The following ALDH1A2 variants were observed in gnomAD, a reference collection of about 807,000 sequenced individuals.
ALDH1A2 encodes retinal dehydrogenase 2.
Under a neutral mutation model 60.3 loss-of-function variants are expected in ALDH1A2, and 27 were observed. That is an observed-to-expected ratio of 0.45 (90% CI 0.33 to 0.62). ALDH1A2 has a LOEUF of 0.62. Ranked by LOEUF, ALDH1A2 falls within the 20% of genes least tolerant of loss-of-function variation. The pLI, the probability that ALDH1A2 is intolerant of heterozygous loss-of-function variation, is 0.02. For synonymous variants in ALDH1A2, 289 were observed against 232.4 expected (o/e 1.24, Z -2.21); for missense variants, 581 against 643.8 (o/e 0.90, Z 1.06).
rs192669011 is a variant in ALDH1A2 at position 58,010,609 on chromosome 15, T to G, written c.493+40A>C. The stretch of plus-strand genomic sequence containing the variant: ...GGTGGCCAAAGCGCATTTCTGGTGG[T>G]TTCACGTTTTCCTTTTCAACGTACT... On this transcript the variant is annotated intron_variant, in intron 4 of 12. Coordinates refer to ENST00000249750, the MANE Select transcript of ALDH1A2 (RefSeq NM_003888.4). 1.5e-3 allele frequency: 2,368 copies of G among 1,609,454 alleles called. 28 individuals carry two copies. The Admixed American group carries it at 0.021, about 14-fold the overall frequency.
At chr15:57,959,947 C>T (rs143037322) in intron 12 of ALDH1A2, among the ~76,000 whole-genome samples, 10 of 152,280 alleles carry the variant, frequency 6.6e-5, no homozygotes, top group African/African-American at 2.2e-4. Flanking sequence ...CACTCTCCCC[C>T]ACTGCTACCC....
At chr15:58,005,405 C>T (rs1478218044) in intron 4 of ALDH1A2, among the ~76,000 whole-genome samples, 4 of 151,690 alleles carry the variant, frequency 2.6e-5, no homozygotes, top group African/African-American at 9.7e-5. Context: ...TAACCCAATG[C>T]CTAATACAGG....
At position 58,014,005 on chromosome 15, in the gene ALDH1A2, G is replaced by C. The variant is rs766919026; in HGVS notation, c.223-7C>G. 6.2e-7 allele frequency: 1 copy of C among 1,614,098 alleles called. No homozygotes were observed. Among genetic ancestry groups the C allele is most frequent in the Admixed American group, 1.7e-5 (1 of 60,020 alleles). On this transcript the variant is annotated splice_polypyrimidine_tract_variant and splice_region_variant and intron_variant, in intron 2 of 12. Transcript: ENST00000249750. ...CTGCTTTGTCTATATCTGCCTGTTA[G>C]AGAGGAAGAGGCACAACTGAAGAAA...
At position 57,995,108 on chromosome 15, in the gene ALDH1A2, T is replaced by C; in HGVS notation, c.525A>G (p.Glu175=). ...DGDYFTFTRH[E]PIGVCGQIIP... The stretch of plus-strand genomic sequence containing the variant: ...TGATCTGTCCACACACTCCAATGGG[T>C]TCATGTCTTGTAAAGGTAAAATAGT... The change falls in exon 5 of 13, where the codon GAA becomes GAG. Residue 175 remains glutamate, a synonymous_variant. Coordinates refer to ENST00000249750, the MANE Select transcript of ALDH1A2 (RefSeq NM_003888.4). 6.2e-7 allele frequency: 1 copy of C among 1,612,232 alleles called. No homozygotes were observed. Among genetic ancestry groups the C allele is most frequent in the Non-Finnish European group, 8.5e-7 (1 of 1,179,292 alleles).
chr15:58,016,362 ATG>A (rs1895790345), intron 1 of ALDH1A2, among the ~76,000 whole-genome samples: 2 of 151,860 alleles, frequency 1.3e-5, no homozygotes, highest in African/African-American at 4.8e-5. Flanking sequence ...CAGGCTGGTC[ATG>A]AACCCCTGAC....
intron 1 of ALDH1A2, among the ~76,000 whole-genome samples, chr15:58,052,063 C>A (rs1896789903): frequency 6.6e-6 from 1 of 152,054 alleles, no homozygotes; most frequent in Admixed American, 6.6e-5. Flanking sequence ...TATGGTAAGT[C>A]CTTAGCAAAT....
intron 7 of ALDH1A2, among the ~76,000 whole-genome samples, chr15:57,977,854 T>G (rs1280302667): frequency 6.6e-6 from 1 of 152,238 alleles, no homozygotes; most frequent in Non-Finnish European, 1.5e-5. Flanking sequence ...TTTCCATTTA[T>G]TGTGTCCTCT....
chr15:57,991,208 T>C (rs1041604981), intron 7 of ALDH1A2, among the ~76,000 whole-genome samples: 30 of 152,214 alleles, frequency 2.0e-4, no homozygotes, highest in African/African-American at 3.4e-4. Flanking sequence ...CTTAAATTGA[T>C]TGCATCTTTA....
intron 4 of ALDH1A2, among the ~76,000 whole-genome samples, chr15:58,007,839 A>C (rs1443682232): frequency 6.6e-6 from 1 of 151,366 alleles, no homozygotes; most frequent in African/African-American, 2.4e-5. Context: ...AATGAAGCTG[A>C]TGTTAAATTA....
At chr15:58,062,512 T>A (rs1408926408) in intron 1 of ALDH1A2, among the ~76,000 whole-genome samples, 1 of 152,200 alleles carries the variant, frequency 6.6e-6, no homozygotes, top group African/African-American at 2.4e-5. Flanking sequence ...TACAAAATTA[T>A]AAAAGTCAGA....
chr15:57,985,871 G>A (rs1894682864), intron 7 of ALDH1A2, among the ~76,000 whole-genome samples: 1 of 152,132 alleles, frequency 6.6e-6, no homozygotes, highest in South Asian at 2.1e-4. Context: ...GATGAAAAAG[G>A]AGTTACTTAT....
intron 1 of ALDH1A2, among the ~76,000 whole-genome samples, chr15:58,053,311 A>T (rs986273862): frequency 5.9e-5 from 9 of 152,142 alleles, no homozygotes; most frequent in African/African-American, 2.2e-4. Context: ...AAAAATTGTA[A>T]AACTAAAATT....
intron 4 of ALDH1A2, among the ~76,000 whole-genome samples, chr15:57,996,184 G>C (rs946785477): frequency 1.3e-5 from 2 of 151,996 alleles, no homozygotes; most frequent in Admixed American, 6.6e-5. Flanking sequence ...GAAGCGATAT[G>C]AATCAGATTG....
At chr15:58,060,024 G>A (rs1375212371) in intron 1 of ALDH1A2, among the ~76,000 whole-genome samples, 1 of 152,174 alleles carries the variant, frequency 6.6e-6, no homozygotes, top group Non-Finnish European at 1.5e-5. Flanking sequence ...CTGGGTTCAA[G>A]TGATTCTCCT....
At position 57,962,085 on chromosome 15, in the gene ALDH1A2, C is replaced by T; in HGVS notation, c.1178G>A (p.Gly393Asp). 3.1e-6 allele frequency: 5 copies of T among 1,614,178 alleles called. No homozygotes were observed. The highest frequency in any genetic ancestry group is 3.4e-6 in the Non-Finnish European group (4 of 1,180,022). Residue 393 changes from glycine to aspartate, a missense_variant, in exon 10 of 13, where the codon GGC becomes GAC. Coordinates refer to ENST00000249750, the MANE Select transcript of ALDH1A2 (RefSeq NM_003888.4). ...GGGCTCAATGAAAAACCCCTTTCGG[C>T]CCAGTCCTTTGCCTCCACATTCCAG... ...AKLECGGKGL[G>D]RKGFFIEPTV...
chr15:58,031,030 A>G (rs1896224673), intron 1 of ALDH1A2, among the ~76,000 whole-genome samples: 1 of 152,172 alleles, frequency 6.6e-6, no homozygotes, highest in South Asian at 2.1e-4. Context: ...GGAAAAAACT[A>G]AAGTTCACAT....
chr15:58,019,897 C>T (rs1480275812), intron 1 of ALDH1A2, among the ~76,000 whole-genome samples: 2 of 152,146 alleles, frequency 1.3e-5, no homozygotes, highest in African/African-American at 2.4e-5. Context: ...ACATGTGCCA[C>T]GGTGGTTTGC....
intron 1 of ALDH1A2, among the ~76,000 whole-genome samples, chr15:58,048,022 A>C (rs1229162769): frequency 1.3e-5 from 2 of 152,026 alleles, no homozygotes; most frequent in African/African-American, 4.8e-5. Flanking sequence ...ATTTTAAATC[A>C]ATTAACAGTT....
chr15:58,018,115 TCAGGGA>T (rs1895834046), intron 1 of ALDH1A2, among the ~76,000 whole-genome samples: 1 of 152,108 alleles, frequency 6.6e-6, no homozygotes, highest in Non-Finnish European at 1.5e-5. Flanking sequence ...CAGAACTGTA[TCAGGGA>T]AAGTACAAGA....
Sources: allele counts gnomAD v4.1 joint callset (sites outside exome capture counted in the v4.1 genomes callset), GRCh38; gene constraint gnomAD v4.1.1; transcripts MANE v1.5; gene names NCBI Gene and HGNC (gene_info 2026-07-23, HGNC 2026-07-21).